Variants in HHATL observed in about 807,000 individuals in gnomAD.
HHATL encodes protein-cysteine N-palmitoyltransferase HHAT-like protein.
Under a neutral mutation model 59.7 loss-of-function variants are expected in HHATL, and 49 were observed. The ratio of observed to expected loss-of-function variants is 0.82; its 90% CI spans 0.65 to 1.04. The LOEUF (loss-of-function observed/expected upper bound fraction) is 1.04. HHATL is among the 50% of genes least tolerant of loss of function. The pLI, the probability that HHATL is intolerant of heterozygous loss-of-function variation, is 0.00. For synonymous variants in HHATL, 238 were observed against 257.3 expected, an observed-to-expected ratio of 0.93 and a Z score of 0.72; for missense variants, 605 against 650.8, an observed-to-expected ratio of 0.93 and a Z score of 0.77.
Position 42,693,643 on chromosome 3 carries a change from C to T in HHATL, c.1222G>A (p.Glu408Lys). ...NFELWMQKLA[E>K]WGPLARIEAS... ...TCAATTCGTGCTAGGGGCCCCCACT[C>T]TGCCAGTTTTTGCATCCAGAGCTCA... Residue 408 changes from glutamate to lysine, a missense_variant, in exon 10 of 12, where the codon GAG becomes AAG. Transcript: ENST00000441594. The T allele has an allele frequency of 6.2e-7, 1 of 1,614,162 alleles. No individual in the cohort carries two copies. Among genetic ancestry groups the T allele is most frequent in the African/African-American group, 1.3e-5 (1 of 75,052 alleles).
In HHATL at chr3:42,693,063, C is replaced by T; in HGVS notation, c.1390+14G>A. ...GCCTGGCACCTTCTGTATCCCCACA[C>T]CCCTGTCCCTCACCTGTGAGTAGCA... On this transcript the variant is annotated intron_variant, in intron 11 of 11. Transcript: ENST00000441594. 1 of 1,614,100 alleles carries T rather than the reference C, an allele frequency of 6.2e-7. No homozygotes were observed. The highest frequency in any genetic ancestry group is 8.5e-7 in the Non-Finnish European group (1 of 1,179,974).
intron 2 of HHATL, among the ~76,000 whole-genome samples, chr3:42,700,380 C>T (rs1478481910): frequency 9.4e-5 from 10 of 106,310 alleles, no homozygotes; most frequent in African/African-American, 3.1e-4. Context: ...GTGTGTGTGT[C>T]GGGATGTGTG....
intron 9 of HHATL, among the ~76,000 whole-genome samples, chr3:42,695,147 C>A (rs1697548558): frequency 6.6e-6 from 1 of 152,160 alleles, no homozygotes; most frequent in Admixed American, 6.5e-5. Flanking sequence ...GCCACCCACA[C>A]CCATGGCCAT....
chr3:42,700,384 ATG>A (rs1252231350), intron 2 of HHATL, among the ~76,000 whole-genome samples: 1 of 78,764 alleles, frequency 1.3e-5, no homozygotes, highest in Non-Finnish European at 2.6e-5. Context: ...GTGTGTCGGG[ATG>A]TGTGTGTGTG....
In HHATL at chr3:42,698,822, A is replaced by AAGC. The variant is rs757779654; in HGVS notation, c.366_368dup (p.Leu123dup). On this transcript the variant is annotated inframe_insertion, in exon 5 of 12. Coordinates refer to ENST00000441594, the MANE Select transcript of HHATL (RefSeq NM_020707.4). ...CCACATAGAGGCCCACACAGTGACC[A>AAGC]AGCAGCAGCAGCAGGTACCAAGGGC... 8 of 1,613,768 alleles carry AAGC rather than the reference A, an allele frequency of 5.0e-6. No individual in the cohort carries two copies. The African/African-American group carries it at 9.3e-5, about 19-fold the overall frequency.
Position 42,693,976 on chromosome 3 carries a change from A to G in HHATL, c.1047-158T>C, listed in dbSNP as rs1697479256. 6 of 630,350 alleles carry G rather than the reference A, an allele frequency of 9.5e-6. No homozygotes were observed. In the South Asian group the frequency reaches 1.1e-4, roughly 12 times the overall value. 39.0% of individuals were successfully genotyped at this position (630,350 alleles called of 1,614,324 possible). ...GCAGCTCCTCCTCCAACCAACTTCA[A>G]ATTGTGGCAGGCTCAGCCTGGGACA... On this transcript the variant is annotated intron_variant, in intron 9 of 11. Coordinates refer to ENST00000441594, the MANE Select transcript of HHATL (RefSeq NM_020707.4).
At chr3:42,695,972 G>T (rs1452576970) in intron 9 of HHATL, among the ~76,000 whole-genome samples, 4 of 152,078 alleles carry the variant, frequency 2.6e-5, no homozygotes, top group Non-Finnish European at 5.9e-5. Context: ...AGCCACTCCT[G>T]TCTTCCCCCT....
chr3:42,699,618 G>C, intron 3 of HHATL, 140 bp downstream of exon 3: 2 of 692,006 alleles, frequency 2.9e-6, no homozygotes, highest in Non-Finnish European at 2.5e-6. Context: ...GGAGGGGCCA[G>C]TAAAGAAGCT....
At position 42,696,886 on chromosome 3, in the gene HHATL, G is replaced by A. The variant is rs2125852513; in HGVS notation, c.1011-9C>T. The A allele has an allele frequency of 6.2e-7, 1 of 1,614,184 alleles. No individual in the cohort carries two copies. The highest frequency in any genetic ancestry group is 2.2e-5 in the East Asian group (1 of 44,874). ...TGCCACGGTCAAAGTGCCTGTAAGA[G>A]GAAAGCAGATGGGCATGTTGCCATC... On this transcript the variant is annotated splice_polypyrimidine_tract_variant and intron_variant, in intron 8 of 11. Coordinates refer to ENST00000441594, the MANE Select transcript of HHATL (RefSeq NM_020707.4).
intron 2 of HHATL, among the ~76,000 whole-genome samples, chr3:42,700,237 T>C (rs1259960120): frequency 2.0e-5 from 3 of 147,110 alleles, no homozygotes; most frequent in African/African-American, 7.6e-5. Context: ...TGTGTCTGCA[T>C]CCAGGTCTCT....
At position 42,700,741 on chromosome 3, in the gene HHATL, C is replaced by A; in HGVS notation, c.86G>T (p.Gly29Val). 2 of 1,613,194 alleles carry A rather than the reference C, an allele frequency of 1.2e-6. No homozygotes were observed. The highest frequency in any genetic ancestry group is 1.7e-6 in the Non-Finnish European group (2 of 1,179,306). ...LSGALAYAGR[G>V]LLEASQDGAH... ...ATTACCTTGTGAAGCCTCAAGGAGG[C>A]CCCGGCCAGCATAGGCCAGGGCCCC... Residue 29 changes from glycine to valine, a missense_variant, in exon 2 of 12, where the codon GGC (glycine) becomes GTC (valine). By Grantham distance (109) the Gly-to-Val change is moderately radical. Transcript: ENST00000441594.
intron 9 of HHATL, chr3:42,694,039 TG>T (rs1176821761): frequency 1.0e-5 from 6 of 581,060 alleles, no homozygotes; most frequent in Non-Finnish European, 1.8e-5. Flanking sequence ...ACTTCCCAAA[TG>T]ATCTCATCCA....
At chr3:42,699,437 C>T (rs1384104867) in intron 3 of HHATL, among the ~76,000 whole-genome samples, 1 of 152,146 alleles carries the variant, frequency 6.6e-6, no homozygotes, top group African/African-American at 2.4e-5. Context: ...ATGGGGGCTG[C>T]CGGGTCGCTT....
intron 10 of HHATL, 170 bp downstream of exon 10, chr3:42,693,447 G>A: frequency 4.0e-6 from 3 of 755,014 alleles, no homozygotes; most frequent in South Asian, 1.8e-5. Flanking sequence ...CTCATAGAAG[G>A]GAGGGAGGGG....
rs753569865 is a variant in HHATL, at chr3:42,698,202, G to A, written c.633C>T (p.Asn211=). ...CGAAGAAGAAGAAGGGCAGGTAGAA[G>A]TTGTACTTGAGCAGGTCAGCTAAGG... ...HYSLADLLKY[N]FYLPFFFFGP... is the part of the protein sequence containing the mutation. Residue 211 remains asparagine (N), a synonymous_variant, in exon 6 of 12, where the codon AAC becomes AAT. Coordinates refer to ENST00000441594, the MANE Select transcript of HHATL (RefSeq NM_020707.4). The A allele has an allele frequency of 3.1e-6, 5 of 1,614,126 alleles. No homozygotes were observed. The African/African-American group carries it at 4.0e-5, about 13-fold the overall frequency.
In HHATL at chr3:42,697,545, G is replaced by A; in HGVS notation, c.828C>T (p.Asp276=). 6.2e-7 allele frequency: 1 copy of A among 1,614,062 alleles called. No homozygotes were observed. Among genetic ancestry groups the A allele is most frequent in the Non-Finnish European group, 8.5e-7 (1 of 1,179,946 alleles). Reference sequence around the variant, plus strand: ...CTGGGAGGCGGTTGGCGAACTTGAGGTCGCTGGGGATAGTGAGGATGTAGA... The same window carrying A: ...CTGGGAGGCGGTTGGCGAACTTGAGATCGCTGGGGATAGTGAGGATGTAGA... ...HFFYILTIPS[D]LKFANRLPDS... is the part of the protein sequence containing the mutation. The change falls in exon 7 of 12, where the codon GAC becomes GAT. Residue 276 remains aspartate (D), a synonymous_variant. Coordinates refer to ENST00000441594, the MANE Select transcript of HHATL (RefSeq NM_020707.4).
chr3:42,699,189 G>A, intron 3 of HHATL, 44 bp from the exon 4 acceptor site: 1 of 1,440,018 alleles, frequency 6.9e-7, no homozygotes, highest in Non-Finnish European at 9.8e-7. Flanking sequence ...GGTGAGGGTG[G>A]GAGAGGGGAC....
At position 42,698,838 on chromosome 3, in the gene HHATL, T is replaced by C. The variant is rs1384182888; in HGVS notation, c.353A>G (p.Tyr118Cys). Residue 118 changes from tyrosine (Y) to cysteine (C), a missense_variant, in exon 5 of 12, where the codon TAC becomes TGC. Transcript: ENST00000441594. ...ACAGTGACCAAGCAGCAGCAGCAGG[T>C]ACCAAGGGCCCATTGTGCCCATCAC... ...LAVMGTMGPW[Y>C]LLLLLGHCVG... is the part of the protein sequence containing the mutation. 2 of 1,613,580 alleles carry C rather than the reference T, an allele frequency of 1.2e-6. No individual in the cohort carries two copies. Among genetic ancestry groups the C allele is most frequent in the Admixed American group, 1.7e-5 (1 of 59,948 alleles).
chr3:42,698,934 A>G (rs766569959), intron 4 of HHATL, 32 bp from the exon 5 acceptor site: 3 of 1,605,280 alleles, frequency 1.9e-6, no homozygotes, highest in Non-Finnish European at 2.6e-6. Flanking sequence ...CAGTTTCGCC[A>G]TATAAATGGG....
Sources: allele counts gnomAD v4.1 joint callset (sites outside exome capture counted in the v4.1 genomes callset), GRCh38; gene constraint gnomAD v4.1.1; transcripts MANE v1.5; gene names NCBI Gene and HGNC (gene_info 2026-07-23, HGNC 2026-07-21).